MYO15B: variants seen among roughly 807,000 people sequenced by gnomAD.
MYO15B encodes the protein myosin XVB pseudogene.
MYO15B carries 207 observed loss-of-function variants against 119.3 expected under a neutral mutation model. The ratio of observed to expected loss-of-function variants is 1.73; its 90% confidence interval spans 1.55 to 1.95. The LOEUF is 1.95. Ranked by LOEUF, MYO15B falls within the 30% of genes most tolerant of loss-of-function variation. The pLI, the probability that MYO15B is intolerant of heterozygous loss-of-function variation, is 0.00. For synonymous variants in MYO15B, 966 were observed against 498.9 expected (o/e 1.94, Z -12.48); for missense variants, 2,264 against 1,203.1 (o/e 1.88, Z -13.04).
chr17:75,589,665 C>T lies in MYO15B; in HGVS notation c.1608C>T (p.Asp536=), dbSNP rs1390202131. ...CCGGCGACCCTTTTGATCAGGAGGA[C>T]GAGACTCCAGATCCCAAGTTCGCGG... Residue 536 remains aspartate (D), a synonymous_variant, in exon 1 of 64, where the codon GAC becomes GAT. Transcript: ENST00000645453. The surrounding 1 kb of genome is among the most constrained non-coding windows in gnomAD (Gnocchi z 4.2). 2 of 398,802 alleles carry T rather than the reference C, an allele frequency of 5.0e-6. No homozygotes were observed. Among genetic ancestry groups the T allele is most frequent in the Non-Finnish European group, 8.8e-6 (2 of 226,048 alleles). 24.7% of individuals were successfully genotyped at this position (398,802 alleles called of 1,614,324 possible).
intron 25 of MYO15B, 67 bp from the exon 26 acceptor site, chr17:75,612,731 C>T: frequency 1.4e-6 from 1 of 698,108 alleles, no homozygotes; most frequent in Non-Finnish European, 2.6e-6. Flanking sequence ...GGTGCCTGCT[C>T]CGGTGGGGCT....
chr17:75,614,646 AG>A lies in MYO15B; in HGVS notation c.5447del (p.Gly1816ValfsTer32). ...CCTCACTGCCCCCAGGACCCCCTCC[AG>A]GTCCAGCCCCAACGCTGCCCAGCAG... On this transcript the variant is annotated frameshift_variant, in exon 31 of 64. Transcript: ENST00000645453. LOFTEE classifies it high-confidence loss of function. 1.4e-6 allele frequency: 1 copy of A among 700,672 alleles called. No individual in the cohort carries two copies. Among genetic ancestry groups the A allele is most frequent in the Non-Finnish European group, 2.6e-6 (1 of 384,140 alleles). 43.4% of individuals were successfully genotyped at this position (700,672 alleles called of 1,614,324 possible).
At chr17:75,617,060 G>A (rs575044907) in intron 40 of MYO15B, 25 bp from the exon 41 acceptor site, 158 of 686,832 alleles carry the variant, frequency 2.3e-4, no homozygotes, top group Non-Finnish European at 3.9e-4. Context: ...GACTCAGCCC[G>A]TGTACTTTCT....
intron 18 of MYO15B, 44 bp from the exon 19 acceptor site, chr17:75,603,144 G>A: frequency 1.4e-6 from 1 of 703,158 alleles, no homozygotes; most frequent in Non-Finnish European, 2.6e-6. Flanking sequence ...ACAGCTCTAG[G>A]CCCCTTGACT....
exon 1 of MYO15B, chr17:75,588,659 C>A (rs1449944223): frequency 7.5e-6 from 3 of 400,704 alleles, no homozygotes; most frequent in Non-Finnish European, 1.3e-5. Flanking sequence ...CCGGAGTCAG[C>A]GCTGGAGCCA....
At chr17:75,604,209 A>G (rs1000497609) in intron 19 of MYO15B, among the ~76,000 whole-genome samples, 6 of 152,078 alleles carry the variant, frequency 3.9e-5, no homozygotes, top group African/African-American at 1.4e-4. Context: ...GTCACCTCCA[A>G]CAAGAACCCC....
At position 75,624,800 on chromosome 17, in the gene MYO15B, G is replaced by A. The variant is rs756876390; in HGVS notation, c.8572G>A (p.Glu2858Lys). The A allele has an allele frequency of 5.8e-5, 41 of 702,796 alleles. 1 individual carries two copies. The highest frequency in any genetic ancestry group is 4.1e-4 in the South Asian group (28 of 67,602). 43.5% of individuals were successfully genotyped at this position (702,796 alleles called of 1,614,324 possible). ...GCTGGTGCGGCCCCTGCAGCCCGCC[G>A]AATACCTCAACAGCGTGGTAGTGGA... Residue 2858 changes from glutamate to lysine, a missense_variant, in exon 59 of 64, where the codon GAA (glutamate) becomes AAA (lysine). Glu to Lys is a moderately conservative substitution (Grantham distance 56). Coordinates refer to ENST00000645453, the Ensembl canonical transcript of MYO15B.
Position 75,596,900 on chromosome 17 carries a change from G to T in MYO15B, c.3525+1G>T, listed in dbSNP as rs1210790855. 2.9e-6 allele frequency: 2 copies of T among 698,980 alleles called. No individual in the cohort carries two copies. Among genetic ancestry groups the T allele is most frequent in the Admixed American group, 2.0e-5 (1 of 49,384 alleles). 43.3% of individuals were successfully genotyped at this position (698,980 alleles called of 1,614,324 possible). ...GGACGCCCAGACATGGCTGTCCCAG[G>T]TAAGGGCCAGGATGGTGACCCCCCA... On this transcript the variant is annotated splice_donor_variant, in intron 14 of 63. Transcript: ENST00000645453. LOFTEE classifies it high-confidence loss of function.
At chr17:75,603,659 C>T (rs1487442270) in intron 19 of MYO15B, among the ~76,000 whole-genome samples, 4 of 145,958 alleles carry the variant, frequency 2.7e-5, no homozygotes, top group African/African-American at 1.0e-4. Flanking sequence ...GGAGTGCAGG[C>T]TGAAGCAGTG....
intron 21 of MYO15B, chr17:75,607,210 T>C: frequency 2.7e-6 from 1 of 371,260 alleles, no homozygotes. Flanking sequence ...TCTGGACCCA[T>C]TAAGCAGTAA....
At chr17:75,592,449 C>T in exon 8 of MYO15B, 1 of 615,414 alleles carries the variant, frequency 1.6e-6, no homozygotes, top group Non-Finnish European at 2.9e-6. Context: ...GCGGAGCTTC[C>T]ATGTTTTTTA....
chr17:75,604,844 C>CA (rs760098634), intron 19 of MYO15B, among the ~76,000 whole-genome samples: 1 of 152,098 alleles, frequency 6.6e-6, no homozygotes, highest in African/African-American at 2.4e-5. Context: ...TGTCGTACAG[C>CA]AAGTGTGAAA....
At chr17:75,591,829 C>T (rs12449676) in intron 5 of MYO15B, 117 bp downstream of exon 5, 268,053 of 676,380 alleles carry the variant, frequency 0.4, 55,736 homozygotes, top group East Asian at 0.58. Context: ...GAGGGGTGGT[C>T]TCCAGGCCTC....
rs2059076570 is a variant in MYO15B, at chr17:75,626,477, T to C, written c.9284T>C (p.Ile3095Thr). 3 of 703,232 alleles carry C rather than the reference T, an allele frequency of 4.3e-6. No individual in the cohort carries two copies. In the African/African-American group the frequency reaches 5.2e-5, roughly 12 times the overall value. 43.6% of individuals were successfully genotyped at this position (703,232 alleles called of 1,614,324 possible). A position where few individuals can be genotyped will look rare whatever the true frequency, so the allele number is the denominator to read the frequency against. ...GCCTCTTGCACTGAGTGGCCCAGCA[T>C]CAACTGAGAGGAGTGCAGGCCGGGG... The change falls in exon 64 of 64, where the codon ATC becomes ACC. Residue 3095 changes from isoleucine to threonine, a missense_variant. Ile to Thr is a moderately conservative substitution (Grantham distance 89, BLOSUM62 -1). Transcript: ENST00000645453.
rs2058847744 is a variant in MYO15B, at chr17:75,623,857, G to A, written c.8156+3G>A. ...CAGGTCACGGGACACCCCCGGCCGTGAGTGGGGACCGGTGGCTTCTGGGGG... is the reference window on the plus strand; with the variant it reads ...CAGGTCACGGGACACCCCCGGCCGTAAGTGGGGACCGGTGGCTTCTGGGGG... On this transcript the variant is annotated splice_donor_region_variant and intron_variant, in intron 54 of 63. Transcript: ENST00000645453. The A allele has an allele frequency of 1.8e-5, 10 of 566,868 alleles. No homozygotes were observed. The highest frequency in any genetic ancestry group is 3.1e-5 in the Non-Finnish European group (10 of 321,948). The allele number at this position is 566,868 out of a possible 1,614,324, so 35.1% of individuals were successfully genotyped here.
intron 15 of MYO15B, 98 bp from the exon 16 acceptor site, chr17:75,602,419 G>A: frequency 1.4e-6 from 1 of 702,182 alleles, no homozygotes; most frequent in Non-Finnish European, 2.6e-6. Context: ...CACCTGGGGA[G>A]AGGGTAGATT....
At chr17:75,615,015 G>C in exon 33 of MYO15B, 2 of 703,008 alleles carry the variant, frequency 2.8e-6, no homozygotes, top group Non-Finnish European at 5.2e-6. Flanking sequence ...GGGCGCCATT[G>C]GGCCCACACA....
intron 47 of MYO15B, 37 bp from the exon 48 acceptor site, chr17:75,620,209 G>A (rs1352625051): frequency 2.8e-6 from 2 of 702,100 alleles, no homozygotes; most frequent in East Asian, 5.4e-5. Context: ...GGCACAGGCA[G>A]ACTTGCTGCT....
Position 75,616,359 on chromosome 17 carries a change from C to CA in MYO15B, c.6158dup (p.His2053GlnfsTer55). 1.6e-6 allele frequency: 1 copy of CA among 613,190 alleles called. No individual in the cohort carries two copies. The allele number at this position is 613,190 out of a possible 1,614,324, so 38.0% of individuals were successfully genotyped here. A position where few individuals can be genotyped will look rare whatever the true frequency, so the allele number is the denominator to read the frequency against. The stretch of plus-strand genomic sequence containing the variant: ...GACGATGAAGCCCCCGGCCAAGGTC[C>CA]ACATCCCCCAGGGGGAAGCGCAGGA... On this transcript the variant is annotated frameshift_variant, in exon 38 of 64. Coordinates refer to ENST00000645453, the Ensembl canonical transcript of MYO15B. LOFTEE classifies it high-confidence loss of function.
Sources: gnomAD v4.1 joint callset for allele counts (sites outside exome capture counted in the v4.1 genomes callset) on GRCh38, gnomAD v4.1.1 for gene constraint, Gnocchi (gnomAD v3.1) non-coding constraint, MANE v1.5 for transcripts, NCBI Gene and HGNC (gene_info 2026-07-23, HGNC 2026-07-21) for gene names.